C7: variants seen among roughly 807,000 people sequenced by gnomAD.
C7 encodes complement C7.
A neutral mutation model predicts 104.8 loss-of-function variants in C7; 83 were observed. The observed-to-expected ratio is 0.79, with a 90% CI of 0.66 to 0.95. C7 has a LOEUF of 0.95. C7 is among the 40% of genes least tolerant of loss of function. The pLI, the probability that C7 is intolerant of heterozygous loss-of-function variation, is 0.00. For synonymous variants in C7, 415 were observed against 360.6 expected, an observed-to-expected ratio of 1.15 and a Z score of -1.71; for missense variants, 1,070 against 1,011.2, an observed-to-expected ratio of 1.06 and a Z score of -0.79.
At position 40,979,822 on chromosome 5, in the gene C7, T is replaced by C. The variant is rs562422850; in HGVS notation, c.2263T>C (p.Tyr755His). Reference protein sequence around the residue: ...MHVLHCQGRNYTLTGRDSCTL... With the variant: ...MHVLHCQGRNHTLTGRDSCTL... ...TGTTCTCCACTGTCAGGGTAGAAAT[T>C]ACACCCTTACTGGTAGGGACAGCTG... is the stretch of plus-strand genomic sequence containing the variant. Residue 755 changes from tyrosine to histidine, a missense_variant, in exon 17 of 18, where the codon TAC becomes CAC. By Grantham distance (83) the Tyr-to-His change is moderately conservative (BLOSUM62 2). Transcript: ENST00000313164. The C allele has an allele frequency of 1.2e-6, 2 of 1,613,684 alleles. No homozygotes were observed. Among genetic ancestry groups the C allele is most frequent in the Non-Finnish European group, 1.7e-6 (2 of 1,179,696 alleles).
chr5:40,926,871 T>C (rs1000881357), intron 1 of C7, among the ~76,000 whole-genome samples: 3 of 151,584 alleles, frequency 2.0e-5, no homozygotes, highest in African/African-American at 7.3e-5. Context: ...AATTCTAACA[T>C]CATTTTTCAA....
At chr5:40,937,442 C>T in intron 5 of C7, 110 bp from the exon 6 acceptor site, 3 of 1,050,546 alleles carry the variant, frequency 2.9e-6, no homozygotes, top group Admixed American at 2.7e-5. Context: ...AAGTGTAATG[C>T]ATTTTAAGAA....
Position 40,962,177 on chromosome 5 carries a change from G to A in C7, c.1749+5G>A. ...TTGAAAGATGGATTTGTTCAAGTTG[G>A]TTATGAAAGATATTTTTTTCCTTTA... On this transcript the variant is annotated splice_donor_5th_base_variant and intron_variant, in intron 13 of 17. Transcript: ENST00000313164. 2 of 1,513,126 alleles carry A rather than the reference G, an allele frequency of 1.3e-6. No homozygotes were observed. Among genetic ancestry groups the A allele is most frequent in the African/African-American group, 1.4e-5 (1 of 73,246 alleles). The allele number at this position is 1,513,126 out of a possible 1,614,324, so 93.7% of individuals were successfully genotyped here. A position where few individuals can be genotyped will look rare whatever the true frequency, so the allele number is the denominator to read the frequency against.
intron 14 of C7, among the ~76,000 whole-genome samples, chr5:40,970,949 T>A (rs1561258698): frequency 6.6e-6 from 1 of 152,194 alleles, no homozygotes; most frequent in Non-Finnish European, 1.5e-5. Context: ...TATTCCATGG[T>A]GTATATGTGC....
At chr5:40,911,790 G>A (rs1739213925) in intron 1 of C7, among the ~76,000 whole-genome samples, 1 of 149,818 alleles carries the variant, frequency 6.7e-6, no homozygotes, top group Admixed American at 6.7e-5. Context: ...CCAGGCTGGA[G>A]TGCAGAGGTA....
chr5:40,945,212 T>G lies in C7; in HGVS notation c.582T>G (p.Asn194Lys). The G allele has an allele frequency of 3.4e-6, 5 of 1,485,482 alleles. No individual in the cohort carries two copies. The highest frequency in any genetic ancestry group is 4.5e-6 in the Non-Finnish European group (5 of 1,103,744). The allele number at this position is 1,485,482 out of a possible 1,614,324, so 92.0% of individuals were successfully genotyped here. ...LSYTFQVKIN[N>K]DFNYEFYNST... ...TTTCTTTGTAGGTGAAAATAAATAATGATTTTAATTATGAATTTTACAATA... is the reference window on the plus strand; with the variant it reads ...TTTCTTTGTAGGTGAAAATAAATAAGGATTTTAATTATGAATTTTACAATA... The change falls in exon 7 of 18, where the codon AAT (asparagine) becomes AAG (lysine). Residue 194 changes from asparagine (N) to lysine (K), a missense_variant. Transcript: ENST00000313164.
At chr5:40,976,681 C>A in intron 15 of C7, 69 bp from the exon 16 acceptor site, 1 of 1,075,052 alleles carries the variant, frequency 9.3e-7, no homozygotes, top group Non-Finnish European at 1.4e-6. Flanking sequence ...TCCAGCAATT[C>A]ATATAATACC....
chr5:40,954,356 T>C (rs1421208574), intron 9 of C7, among the ~76,000 whole-genome samples: 2 of 152,150 alleles, frequency 1.3e-5, no homozygotes, highest in African/African-American at 4.8e-5. Context: ...TAATATTGAC[T>C]GATTCTTTGA....
intron 10 of C7, among the ~76,000 whole-genome samples, chr5:40,956,294 T>A (rs1740289180): frequency 6.6e-6 from 1 of 152,144 alleles, no homozygotes; most frequent in African/African-American, 2.4e-5. Flanking sequence ...TTACGGCTTG[T>A]GAGTTACTGT....
intron 1 of C7, among the ~76,000 whole-genome samples, chr5:40,923,299 A>G (rs1739479915): frequency 6.6e-6 from 1 of 152,212 alleles, no homozygotes; most frequent in South Asian, 2.1e-4. Context: ...GTAATTTATA[A>G]ATAAAAGAGG....
chr5:40,974,636 T>C (rs1218484519), intron 15 of C7, among the ~76,000 whole-genome samples: 1 of 152,090 alleles, frequency 6.6e-6, no homozygotes, highest in Non-Finnish European at 1.5e-5. Flanking sequence ...GTCAGGATGG[T>C]CCCGATCTCC....
chr5:40,944,197 A>T (rs1405424923), intron 6 of C7, among the ~76,000 whole-genome samples: 2 of 152,248 alleles, frequency 1.3e-5, no homozygotes, highest in African/African-American at 2.4e-5. Context: ...TGCTTGTGAA[A>T]GGAGAGCTCC....
intron 1 of C7, among the ~76,000 whole-genome samples, chr5:40,924,520 C>A (rs1267982192): frequency 6.6e-6 from 1 of 152,196 alleles, no homozygotes; most frequent in Non-Finnish European, 1.5e-5. Flanking sequence ...ATTCACTAGG[C>A]AGTACTCCAG....
chr5:40,984,000 G>A lies in C7; in HGVS notation c.*2427G>A, dbSNP rs1280690057. 6.6e-6 allele frequency among the ~76,000 whole-genome samples: 1 copy of A among 152,064 alleles called. No homozygotes were observed. The highest frequency in any genetic ancestry group is 1.9e-4 in the East Asian group (1 of 5,170). ...GTGCATTAATCATCACTAGCTTCAG[G>A]GAGCTATGTGGAGGCCAAGGCACAT... On this transcript the variant is annotated 3_prime_UTR_variant, in exon 18 of 18. Transcript: ENST00000313164.
chr5:40,912,147 CTT>C (rs1739222859), intron 1 of C7, among the ~76,000 whole-genome samples: 1 of 152,110 alleles, frequency 6.6e-6, no homozygotes, highest in Admixed American at 6.6e-5. Context: ...TTCTATCTCT[CTT>C]GTTCATTTAT....
Position 40,981,438 on chromosome 5 carries a change from A to G in C7, c.2397A>G (p.Glu799=). 6.2e-7 allele frequency: 1 copy of G among 1,613,604 alleles called. No homozygotes were observed. The highest frequency in any genetic ancestry group is 8.5e-7 in the Non-Finnish European group (1 of 1,179,710). The change falls in exon 18 of 18, where the codon GAA becomes GAG. Residue 799 remains glutamate, a synonymous_variant. Transcript: ENST00000313164. ...CVCREASECE[E]EGFSICVEVN... ...GCCGAGAAGCATCGGAGTGCGAGGAAGAAGGGTTTAGCATTTGTGTGGAAG... is the reference window on the plus strand; with the variant it reads ...GCCGAGAAGCATCGGAGTGCGAGGAGGAAGGGTTTAGCATTTGTGTGGAAG...
intron 1 of C7, among the ~76,000 whole-genome samples, chr5:40,910,266 A>G (rs897337788): frequency 2.0e-5 from 3 of 152,256 alleles, no homozygotes; most frequent in Admixed American, 2.0e-4. Context: ...AGAAATCGCT[A>G]TCATAGACTA....
chr5:40,931,081 A>T lies in C7; in HGVS notation c.80A>T (p.Asn27Ile). Residue 27 changes from asparagine (N) to isoleucine (I), a missense_variant, in exon 3 of 18, where the codon AAC (asparagine) becomes ATC (isoleucine). Coordinates refer to ENST00000313164, the MANE Select transcript of C7 (RefSeq NM_000587.4). The part of the protein sequence containing the change: ...QSFSSASSPV[N>I]CQWDFYAPWS... The stretch of plus-strand genomic sequence containing the variant: ...TGTGGCAGTGCCTCCTCTCCAGTCA[A>T]CTGCCAGTGGGACTTCTATGCCCCT... The T allele has an allele frequency of 6.2e-7, 1 of 1,613,378 alleles. No homozygotes were observed. The highest frequency in any genetic ancestry group is 8.5e-7 in the Non-Finnish European group (1 of 1,179,400).
chr5:40,976,901 T>C (rs1193569784), intron 16 of C7, 61 bp downstream of exon 16: 4 of 1,274,206 alleles, frequency 3.1e-6, no homozygotes, highest in Non-Finnish European at 4.4e-6. Flanking sequence ...GATAATTTCT[T>C]AGATAATAGT....
Sources: allele counts gnomAD v4.1 joint callset (sites outside exome capture counted in the v4.1 genomes callset), GRCh38; gene constraint gnomAD v4.1.1; transcripts MANE v1.5; gene names NCBI Gene and HGNC (gene_info 2026-07-23, HGNC 2026-07-21).